Variants in COL13A1 observed in about 807,000 individuals in gnomAD.
COL13A1 encodes collagen alpha-1(XIII) chain.
In COL13A1, 89 loss-of-function variants were observed where a neutral mutation model predicts 130.9. That is an observed-to-expected ratio of 0.68 (90% CI 0.57 to 0.81). The LOEUF (loss-of-function observed/expected upper bound fraction) is 0.81, where lower values mean the gene tolerates loss of function less well. Among genes scored for constraint, COL13A1 ranks in the 30% least tolerant of loss-of-function variants. The probability of loss-of-function intolerance (pLI) is 0.00; values close to 1 mark genes in which losing one functional copy is unlikely to be tolerated. For synonymous variants in COL13A1, 402 were observed against 341.6 expected, an observed-to-expected ratio of 1.18 and a Z score of -1.95; for missense variants, 879 against 934.6, an observed-to-expected ratio of 0.94 and a Z score of 0.78.
At chr10:69,904,802 A>C in intron 15 of COL13A1, 131 bp from the exon 16 acceptor site, 1 of 929,686 alleles carries the variant, frequency 1.1e-6, no homozygotes, top group East Asian at 2.6e-5. Context: ...TGTTGGCTAT[A>C]GCATGCCTAT....
intron 10 of COL13A1, among the ~76,000 whole-genome samples, 156 bp from the exon 11 acceptor site, chr10:69,894,396 G>A (rs1165427627): frequency 6.6e-6 from 1 of 152,206 alleles, no homozygotes; most frequent in Non-Finnish European, 1.5e-5. Flanking sequence ...GAGACTCTGT[G>A]AATAAGACAT....
At chr10:69,905,658 T>G in intron 16 of COL13A1, 129 bp from the exon 17 acceptor site, 3 of 939,712 alleles carry the variant, frequency 3.2e-6, no homozygotes, top group Middle Eastern at 4.2e-4. Flanking sequence ...AGGCTGGAGA[T>G]GGGTGTTGAA....
intron 13 of COL13A1, chr10:69,897,614 G>T: frequency 4.7e-6 from 7 of 1,489,876 alleles, no homozygotes; most frequent in South Asian, 3.5e-5. Flanking sequence ...ACATCCCCAG[G>T]CCCCGGCAGT....
intron 2 of COL13A1, among the ~76,000 whole-genome samples, chr10:69,847,009 C>T (rs574752835): frequency 6.6e-6 from 1 of 152,168 alleles, no homozygotes; most frequent in Admixed American, 6.5e-5. Context: ...AATCCCAGGT[C>T]GTGCCCAGCA....
At chr10:69,897,147 G>A (rs1254049433) in intron 13 of COL13A1, among the ~76,000 whole-genome samples, 1 of 152,076 alleles carries the variant, frequency 6.6e-6, no homozygotes, top group Non-Finnish European at 1.5e-5. Context: ...CCTCATGACA[G>A]TGGCACTCTG....
chr10:69,948,821 CAGAG>C (rs1014573202), intron 38 of COL13A1, among the ~76,000 whole-genome samples: 4 of 149,330 alleles, frequency 2.7e-5, no homozygotes, highest in African/African-American at 7.7e-5. Flanking sequence ...TTGTCACAGA[CAGAG>C]GGAGGGTGGG....
At chr10:69,934,649 A>G (rs966101720) in intron 31 of COL13A1, among the ~76,000 whole-genome samples, 4 of 152,234 alleles carry the variant, frequency 2.6e-5, no homozygotes, top group Non-Finnish European at 4.4e-5. Context: ...AGAAGCTGCA[A>G]TGGGCACCAC....
At chr10:69,883,635 C>A (rs1250475188) in intron 7 of COL13A1, among the ~76,000 whole-genome samples, 2 of 152,144 alleles carry the variant, frequency 1.3e-5, no homozygotes, top group Non-Finnish European at 2.9e-5. Context: ...GGAGGAGGAA[C>A]CAGCCTTGTG....
At chr10:69,905,103 C>A in intron 16 of COL13A1, 144 bp downstream of exon 16, 1 of 919,656 alleles carries the variant, frequency 1.1e-6, no homozygotes, top group Non-Finnish European at 1.7e-6. Flanking sequence ...ACTTACAAAA[C>A]ACCACCCTTC....
rs182745232 is a variant in COL13A1, at chr10:69,923,767, G to C, written c.1231-35G>C. The stretch of plus-strand genomic sequence containing the variant: ...TCATAAGCAGCTGTCCAGGTGCCCA[G>C]CATGCCCTCATCCCAACTCTCTCCT... On this transcript the variant is annotated intron_variant, in intron 23 of 40. Coordinates refer to ENST00000645393, the MANE Select transcript of COL13A1 (RefSeq NM_001368882.1). 1.3e-5 allele frequency: 21 copies of C among 1,599,042 alleles called. No individual in the cohort carries two copies. In the East Asian group the frequency reaches 4.5e-4, roughly 34 times the overall value.
At chr10:69,816,895 A>G (rs1844687450) in intron 1 of COL13A1, among the ~76,000 whole-genome samples, 1 of 152,214 alleles carries the variant, frequency 6.6e-6, no homozygotes, top group Non-Finnish European at 1.5e-5. Context: ...GAAGATTGTC[A>G]TCCAGGAGTT....
At chr10:69,813,280 C>T (rs559485721) in intron 1 of COL13A1, among the ~76,000 whole-genome samples, 187 of 152,330 alleles carry the variant, frequency 1.2e-3, no homozygotes, top group African/African-American at 3.7e-3. Flanking sequence ...TGCCAATCTG[C>T]CTCCCATGCA....
chr10:69,839,446 T>C (rs1850992495), intron 2 of COL13A1, among the ~76,000 whole-genome samples: 1 of 152,170 alleles, frequency 6.6e-6, no homozygotes, highest in Admixed American at 6.5e-5. Flanking sequence ...AAAAACTGTA[T>C]ATATTTAAGG....
chr10:69,883,559 A>G (rs1024309632), intron 7 of COL13A1, among the ~76,000 whole-genome samples: 2 of 152,222 alleles, frequency 1.3e-5, no homozygotes, highest in Non-Finnish European at 1.5e-5. Context: ...ACCAGTGATC[A>G]CATAATCCAT....
chr10:69,920,525 A>G (rs2064510600), intron 21 of COL13A1, among the ~76,000 whole-genome samples: 1 of 152,184 alleles, frequency 6.6e-6, no homozygotes. Flanking sequence ...AAATGAGACC[A>G]TAAGGTCGAG....
intron 16 of COL13A1, 80 bp from the exon 17 acceptor site, chr10:69,905,707 T>C (rs1367492964): frequency 1.3e-6 from 2 of 1,484,792 alleles, no homozygotes; most frequent in Non-Finnish European, 1.9e-6. Context: ...GGAAGAGGGA[T>C]GGTATTGTGT....
At chr10:69,923,034 T>G (rs1177428964) in intron 23 of COL13A1, among the ~76,000 whole-genome samples, 4 of 152,184 alleles carry the variant, frequency 2.6e-5, no homozygotes, top group East Asian at 3.9e-4. Flanking sequence ...ATGGTCCCAG[T>G]GATTCAGATG....
chr10:69,810,347 T>TGAGAGAGAGAGAGAGAGA (rs55816117), intron 1 of COL13A1, among the ~76,000 whole-genome samples: 18 of 119,780 alleles, frequency 1.5e-4, no homozygotes, highest in Admixed American at 4.6e-4. Flanking sequence ...GCCCTGAGAA[T>TGAGAGAGAGAGAGAGAGA]GAGAGAGAGA....
At chr10:69,849,279 C>G (rs1269194586) in intron 2 of COL13A1, among the ~76,000 whole-genome samples, 1 of 152,138 alleles carries the variant, frequency 6.6e-6, no homozygotes, top group African/African-American at 2.4e-5. Context: ...CCTGCTTCCT[C>G]CAGGAGGGGC....
Sources: allele counts gnomAD v4.1 joint callset (sites outside exome capture counted in the v4.1 genomes callset), GRCh38; gene constraint gnomAD v4.1.1; transcripts MANE v1.5; gene names NCBI Gene and HGNC (gene_info 2026-07-23, HGNC 2026-07-21).